The following ADAMTSL3 variants were observed in gnomAD, a reference collection of about 807,000 sequenced individuals.
ADAMTSL3 encodes the protein ADAMTS like 3.
ADAMTSL3 carries 128 observed loss-of-function variants against 201.7 expected under a neutral mutation model. The ratio of observed to expected loss-of-function variants is 0.63; its 90% CI spans 0.55 to 0.73. The LOEUF (loss-of-function observed/expected upper bound fraction) is 0.73, where lower values mean the gene tolerates loss of function less well. Ranked by LOEUF, ADAMTSL3 falls within the 30% of genes least tolerant of loss-of-function variation. ADAMTSL3 has a pLI of 0.00. For missense variants in ADAMTSL3, 1,990 were observed against 2,119.6 expected (o/e 0.94, Z 1.20); for synonymous variants, 738 against 748.4 (o/e 0.99, Z 0.23).
chr15:83,814,397 C>A (rs1326171216), intron 5 of ADAMTSL3, among the ~76,000 whole-genome samples: 1 of 152,178 alleles, frequency 6.6e-6, no homozygotes, highest in Non-Finnish European at 1.5e-5. Context: ...ACCTTCTTAT[C>A]TTCAGGTAAG....
At chr15:83,870,741 T>C (rs1268995555) in intron 8 of ADAMTSL3, 61 bp from the exon 9 acceptor site, 2 of 1,386,124 alleles carry the variant, frequency 1.4e-6, no homozygotes, top group African/African-American at 3.0e-5. Context: ...TGCTAAAATG[T>C]CTTTTGTAAT....
intron 2 of ADAMTSL3, among the ~76,000 whole-genome samples, chr15:83,696,730 A>G (rs2562778): frequency 0.21 from 31,227 of 152,218 alleles, 4,151 homozygotes; most frequent in Admixed American, 0.35. Context: ...CCTCAGCCCT[A>G]TTCCTGTTCA....
chr15:83,943,125 CT>C (rs2066595388), intron 19 of ADAMTSL3, 43 bp downstream of exon 19: 1 of 1,550,818 alleles, frequency 6.4e-7, no homozygotes, highest in South Asian at 1.2e-5. Flanking sequence ...TTTTCTGCCC[CT>C]CCTTTGTTTC....
At chr15:83,703,315 G>A (rs961145901) in intron 2 of ADAMTSL3, among the ~76,000 whole-genome samples, 3 of 152,126 alleles carry the variant, frequency 2.0e-5, no homozygotes, top group Non-Finnish European at 2.9e-5. Flanking sequence ...GCTGAAATTA[G>A]TTAAGACTTT....
At chr15:83,953,485 G>A (rs1330024515) in intron 19 of ADAMTSL3, among the ~76,000 whole-genome samples, 1 of 151,928 alleles carries the variant, frequency 6.6e-6, no homozygotes, top group Non-Finnish European at 1.5e-5. Context: ...ATGTTTTATT[G>A]TGCTATCCTG....
intron 4 of ADAMTSL3, among the ~76,000 whole-genome samples, chr15:83,801,657 T>TATATAAATATATAAATATAA (rs1251015088): frequency 1.2e-4 from 4 of 33,138 alleles, no homozygotes; most frequent in African/African-American, 4.3e-4. Context: ...TATAAATATA[T>TATATAAATATATAAATATAA]ATATATATAT....
intron 3 of ADAMTSL3, among the ~76,000 whole-genome samples, chr15:83,706,649 C>CA (rs1555432352): frequency 2.7e-5 from 4 of 150,938 alleles, no homozygotes; most frequent in African/African-American, 9.7e-5. Context: ...TTTTTCTTTT[C>CA]TTTTTTTTTG....
intron 7 of ADAMTSL3, among the ~76,000 whole-genome samples, chr15:83,855,460 C>G (rs569361348): frequency 1.3e-5 from 2 of 152,282 alleles, no homozygotes; most frequent in South Asian, 2.1e-4. Context: ...CCAAAGACAG[C>G]TTTGTGAGTG....
chr15:83,763,810 A>T (rs1242966028), intron 3 of ADAMTSL3, among the ~76,000 whole-genome samples: 1 of 152,188 alleles, frequency 6.6e-6, no homozygotes, highest in Non-Finnish European at 1.5e-5. Flanking sequence ...CGGCCTAAGA[A>T]ATAATTCTTT....
At chr15:84,008,296 T>C (rs1206510292) in intron 23 of ADAMTSL3, among the ~76,000 whole-genome samples, 1 of 152,172 alleles carries the variant, frequency 6.6e-6, no homozygotes, top group East Asian at 1.9e-4. Flanking sequence ...GGTTTCACCA[T>C]GTTGCCCAGG....
rs573424093 is a variant in ADAMTSL3 at position 83,864,652 on chromosome 15, A to G, written c.802+5812A>G. ...GCTATCTATGACAAACCCACAGCCA[A>G]TATCATACTGAATGGGCAAAAACTG... is the stretch of plus-strand genomic sequence containing the variant. On this transcript the variant is annotated intron_variant, in intron 8 of 29. Coordinates refer to ENST00000286744, the MANE Select transcript of ADAMTSL3 (RefSeq NM_207517.3). Among the ~76,000 whole-genome samples the G allele has an allele frequency of 1.6e-4, 25 of 152,374 alleles. 1 individual carries two copies. Among genetic ancestry groups the G allele is most frequent in the South Asian group, 1.5e-3 (7 of 4,824 alleles).
At chr15:83,899,918 G>A (rs2065690982) in intron 15 of ADAMTSL3, among the ~76,000 whole-genome samples, 187 bp downstream of exon 15, 2 of 152,182 alleles carry the variant, frequency 1.3e-5, no homozygotes. Flanking sequence ...TCCTTTGGCA[G>A]TTTCTCTGAG....
chr15:83,793,196 A>G (rs1473075080), intron 4 of ADAMTSL3, among the ~76,000 whole-genome samples: 1 of 152,096 alleles, frequency 6.6e-6, no homozygotes. Context: ...TGAGGAGGGG[A>G]GTTGAGGACA....
chr15:83,971,587 A>T (rs1353665860), intron 20 of ADAMTSL3, among the ~76,000 whole-genome samples: 1 of 149,196 alleles, frequency 6.7e-6, no homozygotes, highest in African/African-American at 2.4e-5. Flanking sequence ...AGAAAGAAAG[A>T]AAAAAAGAGT....
chr15:83,767,116 A>G (rs2062905001), intron 3 of ADAMTSL3, among the ~76,000 whole-genome samples: 1 of 152,162 alleles, frequency 6.6e-6, no homozygotes, highest in South Asian at 2.1e-4. Context: ...AAAAGAAATT[A>G]TCGATGAGCC....
chr15:83,783,358 T>C (rs183657049), intron 4 of ADAMTSL3, among the ~76,000 whole-genome samples: 156 of 152,078 alleles, frequency 1.0e-3, no homozygotes, highest in African/African-American at 3.7e-3. Flanking sequence ...AAAAAGAACA[T>C]AGTGCAATTG....
chr15:83,994,416 T>C (rs1400665637), intron 23 of ADAMTSL3, among the ~76,000 whole-genome samples: 1 of 152,050 alleles, frequency 6.6e-6, no homozygotes, highest in African/African-American at 2.4e-5. Context: ...ATAAATCAAG[T>C]TTAACACATT....
intron 19 of ADAMTSL3, among the ~76,000 whole-genome samples, chr15:83,943,851 T>C (rs1334162060): frequency 1.3e-5 from 2 of 152,216 alleles, no homozygotes; most frequent in Admixed American, 6.5e-5. Context: ...CTTCCATAAG[T>C]CTGATTGCTT....
intron 2 of ADAMTSL3, among the ~76,000 whole-genome samples, chr15:83,667,745 G>A (rs1046965310): frequency 6.6e-6 from 1 of 151,832 alleles, no homozygotes; most frequent in Admixed American, 6.6e-5. Context: ...AAATGACATG[G>A]TACATAGAAT....
Sources: allele counts gnomAD v4.1 joint callset (sites outside exome capture counted in the v4.1 genomes callset), GRCh38; gene constraint gnomAD v4.1.1; transcripts MANE v1.5; gene names NCBI Gene and HGNC (gene_info 2026-07-23, HGNC 2026-07-21).